TMEM87A: variants seen among roughly 807,000 people sequenced by gnomAD.
TMEM87A encodes the protein transmembrane protein 87A, also known as Golgi-pH regulating cation channel.
TMEM87A carries 50 observed loss-of-function variants against 90.0 expected under a neutral mutation model. The observed-to-expected ratio is 0.56, with a 90% CI of 0.44 to 0.70. The LOEUF (loss-of-function observed/expected upper bound fraction) is 0.70. TMEM87A is among the 30% of genes least tolerant of loss of function. TMEM87A has a pLI of 0.00. For synonymous variants in TMEM87A, 226 were observed against 226.7 expected, an observed-to-expected ratio of 1.00 and a Z score of 0.03; for missense variants, 577 against 660.5, an observed-to-expected ratio of 0.87 and a Z score of 1.39.
At chr15:42,236,761 T>C (rs898921625) in intron 9 of TMEM87A, among the ~76,000 whole-genome samples, 1 of 152,154 alleles carries the variant, frequency 6.6e-6, no homozygotes, top group Non-Finnish European at 1.5e-5. Flanking sequence ...CAGCTACACA[T>C]AGAAAAGCAC....
intron 7 of TMEM87A, among the ~76,000 whole-genome samples, chr15:42,241,453 G>A (rs535241549): frequency 2.0e-5 from 3 of 152,288 alleles, no homozygotes; most frequent in Middle Eastern, 3.4e-3. Flanking sequence ...TATATTTAAA[G>A]AACAAATATA....
intron 6 of TMEM87A, among the ~76,000 whole-genome samples, chr15:42,251,781 G>A (rs1204670711): frequency 4.6e-5 from 7 of 152,222 alleles, no homozygotes; most frequent in Non-Finnish European, 1.0e-4. Flanking sequence ...TCTCTTCAGA[G>A]CTGTCAGACA....
chr15:42,220,152 G>T lies in TMEM87A; in HGVS notation c.1404-17C>A. On this transcript the variant is annotated splice_polypyrimidine_tract_variant and intron_variant, in intron 15 of 19. Coordinates refer to ENST00000389834, the MANE Select transcript of TMEM87A (RefSeq NM_015497.5). The stretch of plus-strand genomic sequence containing the variant: ...AAGGCAAACCTAACAGAACCAAAGT[G>T]AACAGAAGGAAAAAATTAGAAAACT... The T allele has an allele frequency of 6.4e-7, 1 of 1,572,894 alleles. No individual in the cohort carries two copies. Among genetic ancestry groups the T allele is most frequent in the South Asian group, 1.2e-5 (1 of 83,154 alleles).
At chr15:42,239,565 T>C (rs1278514997) in intron 8 of TMEM87A, 105 bp downstream of exon 8, 4 of 960,840 alleles carry the variant, frequency 4.2e-6, no homozygotes, top group African/African-American at 3.3e-5. Context: ...ATTTTCTGAA[T>C]TGCACAGGAA....
rs1479988617 is a variant in TMEM87A at position 42,273,255 on chromosome 15, C to A, written c.144G>T (p.Ser48=). ...AGACGTTAGTGAAGTGAATACTCAC[C>A]GACGGTATCGGAATGTGCCATTTGG... is the stretch of plus-strand genomic sequence containing the variant. The part of the protein sequence containing the change: ...DRSKWHIPIP[S]GKNYFSFGKI... The change falls in exon 1 of 20, where the codon TCG becomes TCT. Residue 48 remains serine (S), a splice_region_variant and synonymous_variant. Coordinates refer to ENST00000389834, the MANE Select transcript of TMEM87A (RefSeq NM_015497.5). 2 of 1,614,060 alleles carry A rather than the reference C, an allele frequency of 1.2e-6. No homozygotes were observed. Among genetic ancestry groups the A allele is most frequent in the East Asian group, 2.2e-5 (1 of 44,886 alleles).
chr15:42,220,468 T>C (rs1178743771), intron 15 of TMEM87A, among the ~76,000 whole-genome samples: 1 of 152,184 alleles, frequency 6.6e-6, no homozygotes, highest in African/African-American at 2.4e-5. Flanking sequence ...AAGTAAGTCG[T>C]TACAAATAAA....
At chr15:42,212,729 C>G (rs1414086947) in intron 19 of TMEM87A, among the ~76,000 whole-genome samples, 1 of 152,158 alleles carries the variant, frequency 6.6e-6, no homozygotes. Flanking sequence ...TAGTTGAGTA[C>G]AGAATTCTAG....
chr15:42,262,629 C>T (rs953109860), intron 4 of TMEM87A, among the ~76,000 whole-genome samples: 1 of 151,946 alleles, frequency 6.6e-6, no homozygotes, highest in African/African-American at 2.4e-5. Context: ...GTTGGCCAGG[C>T]TGGTCTTGAA....
chr15:42,240,943 T>C (rs1342813081), intron 7 of TMEM87A, among the ~76,000 whole-genome samples: 3 of 152,266 alleles, frequency 2.0e-5, no homozygotes, highest in Non-Finnish European at 4.4e-5. Context: ...GCTTACTCTA[T>C]GCCTTGGTCA....
rs759050980 is a variant in TMEM87A at position 42,236,303 on chromosome 15, A to C, written c.968+17T>G. The C allele has an allele frequency of 1.7e-5, 27 of 1,603,580 alleles. No individual in the cohort carries two copies. The Admixed American group carries it at 4.3e-4, about 26-fold the overall frequency. On this transcript the variant is annotated intron_variant, in intron 10 of 19. Coordinates refer to ENST00000389834, the MANE Select transcript of TMEM87A (RefSeq NM_015497.5). ...AGCATTTTAATTTGCTCTTCCATAC[A>C]GGAAGTTAATACTTACTTGACGATG...
At chr15:42,217,642 G>A (rs2050404653) in intron 19 of TMEM87A, among the ~76,000 whole-genome samples, 161 bp downstream of exon 19, 1 of 152,156 alleles carries the variant, frequency 6.6e-6, no homozygotes, top group Non-Finnish European at 1.5e-5. Context: ...TTGAATGTTT[G>A]AACTCTATTA....
chr15:42,237,690 T>C (rs1023206939), intron 8 of TMEM87A, 75 bp from the exon 9 acceptor site: 17 of 1,158,590 alleles, frequency 1.5e-5, no homozygotes, highest in Middle Eastern at 2.2e-4. Flanking sequence ...AGAATCAATA[T>C]ATACTTTTTT....
intron 4 of TMEM87A, among the ~76,000 whole-genome samples, chr15:42,263,342 G>C (rs941832915): frequency 6.6e-6 from 1 of 152,204 alleles, no homozygotes; most frequent in Non-Finnish European, 1.5e-5. Flanking sequence ...GAGGTATCTA[G>C]AATAGTCAAA....
intron 4 of TMEM87A, among the ~76,000 whole-genome samples, chr15:42,262,549 G>A (rs893041967): frequency 2.4e-4 from 36 of 149,556 alleles, no homozygotes; most frequent in African/African-American, 8.7e-4. Flanking sequence ...TCAGCCTCCC[G>A]AGTAGCTGGG....
intron 7 of TMEM87A, among the ~76,000 whole-genome samples, chr15:42,242,590 C>CA (rs2050892639): frequency 1.3e-5 from 2 of 151,770 alleles, no homozygotes; most frequent in Admixed American, 1.3e-4. Context: ...GACAGACAGA[C>CA]AGAGAGAATA....
intron 15 of TMEM87A, among the ~76,000 whole-genome samples, chr15:42,222,613 C>T (rs571076336): frequency 1.3e-5 from 2 of 151,720 alleles, no homozygotes; most frequent in Non-Finnish European, 2.9e-5. Flanking sequence ...GGCTGGAGTG[C>T]AACGGCATGA....
chr15:42,263,374 G>A (rs1192266796), intron 4 of TMEM87A, among the ~76,000 whole-genome samples: 1 of 152,172 alleles, frequency 6.6e-6, no homozygotes. Context: ...TAGAAGAGTG[G>A]TTACCATGGT....
intron 1 of TMEM87A, among the ~76,000 whole-genome samples, chr15:42,272,521 T>G (rs868565010): frequency 6.6e-6 from 1 of 152,192 alleles, no homozygotes; most frequent in Non-Finnish European, 1.5e-5. Flanking sequence ...CAACGTAGGT[T>G]TAATGGGGCT....
At chr15:42,258,157 C>A (rs1391029702) in intron 6 of TMEM87A, 1 of 975,816 alleles carries the variant, frequency 1.0e-6, no homozygotes, top group African/African-American at 1.8e-5. Flanking sequence ...AGACACTATA[C>A]AAGCATTTAA....
Sources: gnomAD v4.1 joint callset for allele counts (sites outside exome capture counted in the v4.1 genomes callset) on GRCh38, gnomAD v4.1.1 for gene constraint, MANE v1.5 for transcripts, NCBI Gene and HGNC (gene_info 2026-07-23, HGNC 2026-07-21) for gene names.